Variants in CRPPA observed in about 807,000 individuals in gnomAD.
The protein encoded by CRPPA is CDP-L-ribitol pyrophosphorylase A.
Under a neutral mutation model 52.0 loss-of-function variants are expected in CRPPA, and 43 were observed. The ratio of observed to expected loss-of-function variants is 0.83; its 90% CI spans 0.65 to 1.07. The LOEUF (loss-of-function observed/expected upper bound fraction) is 1.07. Ranked by LOEUF, CRPPA falls within the 50% of genes least tolerant of loss-of-function variation. The pLI is 0.00. For missense variants in CRPPA, 629 were observed against 551.7 expected (o/e 1.14, Z -1.40); for synonymous variants, 250 against 203.5 (o/e 1.23, Z -1.94).
chr7:16,334,055 G>T (rs1785620014), intron 3 of CRPPA, among the ~76,000 whole-genome samples: 1 of 151,996 alleles, frequency 6.6e-6, no homozygotes, highest in South Asian at 2.1e-4. Context: ...ACCACTTGAA[G>T]TCAGTTAGAA....
chr7:16,389,913 C>CAAAAAAAAAAAAAAAAAAA lies in CRPPA; in HGVS notation c.535-13673_535-13672insTTTTTTTTTTTTTTTTTTT, dbSNP rs1163092089. On this transcript the variant is annotated intron_variant, in intron 2 of 9. Transcript: ENST00000407010. ...GGATACAGAGAACAAGCCTAGTATA[C>CAAAAAAAAAAAAAAAAAAA]AAAAAAAAAAAAAAAATATATATAT... Among the ~76,000 whole-genome samples, 43 of 34,302 alleles carry CAAAAAAAAAAAAAAAAAAA rather than the reference C, an allele frequency of 1.3e-3. 5 individuals are homozygous for CAAAAAAAAAAAAAAAAAAA. Among genetic ancestry groups the CAAAAAAAAAAAAAAAAAAA allele is most frequent in the East Asian group, 5.3e-3 (4 of 758 alleles). 22.5% of individuals were successfully genotyped at this position (34,302 alleles called of 152,430 possible).
chr7:16,198,782 G>C (rs1046169359), intron 9 of CRPPA, among the ~76,000 whole-genome samples: 10 of 150,858 alleles, frequency 6.6e-5, no homozygotes, highest in African/African-American at 2.4e-4. Flanking sequence ...TAAACTCCTG[G>C]GCTCACGCAA....
intron 9 of CRPPA, among the ~76,000 whole-genome samples, chr7:16,108,023 G>T (rs1016176621): frequency 6.6e-6 from 1 of 151,696 alleles, no homozygotes; most frequent in African/African-American, 2.4e-5. Flanking sequence ...AAAATAAAAG[G>T]ATTCAAAGCA....
intron 5 of CRPPA, among the ~76,000 whole-genome samples, chr7:16,286,074 TATATA>T (rs1784436272): frequency 5.3e-5 from 1 of 18,702 alleles, no homozygotes; most frequent in East Asian, 1.0e-3. Context: ...TATATATATA[TATATA>T]TAATATTTAA....
chr7:16,263,229 C>T (rs1409724464), intron 6 of CRPPA, among the ~76,000 whole-genome samples: 2 of 151,970 alleles, frequency 1.3e-5, no homozygotes, highest in Non-Finnish European at 2.9e-5. Context: ...ACATTAAAGC[C>T]CTTCATAGTC....
intron 9 of CRPPA, among the ~76,000 whole-genome samples, chr7:16,103,106 C>T (rs1347645176): frequency 6.6e-6 from 1 of 152,106 alleles, no homozygotes; most frequent in Admixed American, 6.6e-5. Flanking sequence ...ACATGTACAC[C>T]ATGGAATACT....
chr7:16,389,969 C>A (rs1787401592), intron 2 of CRPPA, among the ~76,000 whole-genome samples: 1 of 101,310 alleles, frequency 9.9e-6, no homozygotes, highest in East Asian at 3.3e-4. Flanking sequence ...CAGTTTACTG[C>A]TAGCATATAG....
intron 3 of CRPPA, among the ~76,000 whole-genome samples, chr7:16,320,057 T>C (rs1391055742): frequency 6.6e-6 from 1 of 152,156 alleles, no homozygotes; most frequent in Non-Finnish European, 1.5e-5. Flanking sequence ...TTAGTACTAA[T>C]TCACTTGTTT....
chr7:16,343,113 G>A (rs77672503), intron 3 of CRPPA, among the ~76,000 whole-genome samples: 10 of 151,856 alleles, frequency 6.6e-5, no homozygotes, highest in Non-Finnish European at 1.2e-4. Flanking sequence ...TACATTTTAC[G>A]GGGACTGAAT....
At chr7:16,258,881 C>T in intron 7 of CRPPA, 39 bp downstream of exon 7, 1 of 1,295,128 alleles carries the variant, frequency 7.7e-7, no homozygotes, top group Non-Finnish European at 1.1e-6. Flanking sequence ...CACATTTGTT[C>T]ATATCCTTAA....
At chr7:16,177,982 A>G (rs1781337206) in intron 9 of CRPPA, among the ~76,000 whole-genome samples, 1 of 152,014 alleles carries the variant, frequency 6.6e-6, no homozygotes, top group African/African-American at 2.4e-5. Context: ...CAGAAAATCA[A>G]GAGGAAGAAG....
intron 1 of CRPPA, among the ~76,000 whole-genome samples, chr7:16,420,821 C>G (rs1320231669): frequency 1.3e-5 from 2 of 152,122 alleles, no homozygotes; most frequent in African/African-American, 4.8e-5. Flanking sequence ...GACGGGCCTT[C>G]CCCACAACCT....
chr7:16,409,429 A>C (rs1472401852), intron 1 of CRPPA, among the ~76,000 whole-genome samples: 1 of 152,182 alleles, frequency 6.6e-6, no homozygotes, highest in Non-Finnish European at 1.5e-5. Flanking sequence ...GGGAGGAGAA[A>C]GGATTCAGCA....
At chr7:16,378,260 C>A (rs13247519) in intron 2 of CRPPA, among the ~76,000 whole-genome samples, 3 of 99,504 alleles carry the variant, frequency 3.0e-5, no homozygotes, top group Middle Eastern at 8.2e-3. Context: ...TCCCTCCCCC[C>A]TCCCCCCACC....
Position 16,374,724 on chromosome 7 carries a change from T to C in CRPPA, c.684+1368A>G, listed in dbSNP as rs573760460. On this transcript the variant is annotated intron_variant, in intron 3 of 9. Coordinates refer to ENST00000407010, the MANE Select transcript of CRPPA (RefSeq NM_001101426.4). ...CCAAGGTCAACTTCAATACCACTAA[T>C]GCAGTAGGTCCCATCCACTCTCACT... 2.0e-5 allele frequency among the ~76,000 whole-genome samples: 3 copies of C among 152,240 alleles called. No homozygotes were observed. The South Asian group carries it at 6.2e-4, about 32-fold the overall frequency.
At chr7:16,192,394 A>G (rs1405042334) in intron 9 of CRPPA, among the ~76,000 whole-genome samples, 1 of 152,144 alleles carries the variant, frequency 6.6e-6, no homozygotes, top group African/African-American at 2.4e-5. Context: ...TAACATGCAC[A>G]ATCTGATGTG....
chr7:16,178,291 C>A (rs1199702620), intron 9 of CRPPA, among the ~76,000 whole-genome samples: 1 of 152,062 alleles, frequency 6.6e-6, no homozygotes, highest in East Asian at 1.9e-4. Context: ...TACTGTGATT[C>A]ATCTGCTGGC....
intron 1 of CRPPA, 84 bp from the exon 2 acceptor site, chr7:16,406,421 G>C (rs1339665436): frequency 8.4e-7 from 1 of 1,196,626 alleles, no homozygotes; most frequent in Non-Finnish European, 1.2e-6. Context: ...ACTAGTATTG[G>C]TATATTTAAA....
At chr7:16,397,878 G>A (rs910402468) in intron 2 of CRPPA, among the ~76,000 whole-genome samples, 2 of 152,330 alleles carry the variant, frequency 1.3e-5, no homozygotes, top group African/African-American at 4.8e-5. Flanking sequence ...TGTGTAACAC[G>A]TGACCAACGT....
Sources: gnomAD v4.1 joint callset for allele counts (sites outside exome capture counted in the v4.1 genomes callset) on GRCh38, gnomAD v4.1.1 for gene constraint, MANE v1.5 for transcripts, NCBI Gene and HGNC (gene_info 2026-07-23, HGNC 2026-07-21) for gene names.